Variants in SMARCA2 observed in about 807,000 individuals in gnomAD.
SMARCA2 encodes SWI/SNF-related matrix-associated actin-dependent regulator of chromatin subfamily A member 2.
Under a neutral mutation model 199.8 loss-of-function variants are expected in SMARCA2, and 61 were observed. The ratio of observed to expected loss-of-function variants is 0.31; its 90% CI spans 0.25 to 0.38. The LOEUF (loss-of-function observed/expected upper bound fraction) is 0.38. Among genes scored for constraint, SMARCA2 ranks in the 10% least tolerant of loss-of-function variants. The pLI, the probability that SMARCA2 is intolerant of heterozygous loss-of-function variation, is 1.00. For missense variants in SMARCA2, 1,344 were observed against 2,012.2 expected, an observed-to-expected ratio of 0.67 and a Z score of 6.35; for synonymous variants, 935 against 732.0, an observed-to-expected ratio of 1.28 and a Z score of -4.48.
At chr9:2,071,972 T>C (rs1821109006) in intron 10 of SMARCA2, 1 of 152,218 alleles carries the variant, frequency 6.6e-6, no homozygotes, top group African/African-American at 2.4e-5. Context: ...AGTAAGCCTT[T>C]TCTCTTTTTA....
chr9:2,139,196 G>A (rs1031667869), intron 27 of SMARCA2, among the ~76,000 whole-genome samples: 3 of 152,186 alleles, frequency 2.0e-5, no homozygotes, highest in Non-Finnish European at 2.9e-5. Flanking sequence ...CACTGAGACC[G>A]TGGCATTGCG....
chr9:2,123,664 G>T lies in SMARCA2; in HGVS notation c.3763-55G>T. 4.0e-6 allele frequency: 6 copies of T among 1,484,912 alleles called. No individual in the cohort carries two copies. Among genetic ancestry groups the T allele is most frequent in the African/African-American group, 1.4e-5 (1 of 72,782 alleles). 92.0% of individuals were successfully genotyped at this position (1,484,912 alleles called of 1,614,324 possible). A position where few individuals can be genotyped will look rare whatever the true frequency, so the allele number is the denominator to read the frequency against. On this transcript the variant is annotated intron_variant, in intron 26 of 33. Coordinates refer to ENST00000349721, the MANE Select transcript of SMARCA2 (RefSeq NM_003070.5). This position sits in a 1 kb window ranked among gnomAD's most constrained non-coding sequence, Gnocchi z 4.1. The stretch of plus-strand genomic sequence containing the variant: ...TGGGGAAGTTGTGTAGTGCTGGGAA[G>T]TCTGCACCATACAGAAGCCCTGACT...
intron 10 of SMARCA2, among the ~76,000 whole-genome samples, chr9:2,071,083 C>A (rs555388100): frequency 2.0e-5 from 3 of 152,274 alleles, no homozygotes; most frequent in South Asian, 4.1e-4. Flanking sequence ...AGGAGGCACA[C>A]TCCCAGAGCA....
intron 32 of SMARCA2, among the ~76,000 whole-genome samples, chr9:2,189,597 G>A (rs183983464): frequency 2.0e-5 from 3 of 152,002 alleles, no homozygotes; most frequent in East Asian, 3.9e-4. Context: ...ACATCTTTCC[G>A]TTTTCATTAG....
intron 10 of SMARCA2, among the ~76,000 whole-genome samples, chr9:2,070,788 T>G (rs1233834343): frequency 6.6e-6 from 1 of 152,224 alleles, no homozygotes; most frequent in Admixed American, 6.5e-5. Flanking sequence ...TATAATTATA[T>G]TGCCCAATAA....
intron 9 of SMARCA2, among the ~76,000 whole-genome samples, chr9:2,062,087 G>T (rs1312867914): frequency 6.6e-6 from 1 of 152,088 alleles, no homozygotes; most frequent in African/African-American, 2.4e-5. Flanking sequence ...AGTTAGTGAG[G>T]AACATATACG....
At chr9:2,118,328 T>C (rs990266908) in intron 25 of SMARCA2, among the ~76,000 whole-genome samples, 2 of 152,192 alleles carry the variant, frequency 1.3e-5, no homozygotes, top group Non-Finnish European at 2.9e-5. Context: ...ATAATTATTA[T>C]CTTGAATTGT....
chr9:2,154,629 C>A (rs1414121836), intron 27 of SMARCA2, among the ~76,000 whole-genome samples: 1 of 152,134 alleles, frequency 6.6e-6, no homozygotes, highest in African/African-American at 2.4e-5. Flanking sequence ...ACGGCCTATC[C>A]CAGGGAAGCC....
intron 19 of SMARCA2, among the ~76,000 whole-genome samples, chr9:2,089,955 T>G (rs1278061952): frequency 6.6e-6 from 1 of 152,206 alleles, no homozygotes; most frequent in Non-Finnish European, 1.5e-5. Context: ...AGCCCTTCAT[T>G]TATTCATTCC....
chr9:2,103,661 T>TGAGAGAGAGA (rs34122859), intron 22 of SMARCA2, among the ~76,000 whole-genome samples: 1 of 142,236 alleles, frequency 7.0e-6, no homozygotes, highest in African/African-American at 2.8e-5. Flanking sequence ...TGTGTGTGTG[T>TGAGAGAGAGA]GAGAGAGAGA....
Position 2,170,380 on chromosome 9 carries a change from A to C in SMARCA2, c.4200-39A>C, listed in dbSNP as rs1474486957. On this transcript the variant is annotated intron_variant, in intron 28 of 33. Transcript: ENST00000349721. The surrounding 1 kb of genome is among the most constrained non-coding windows in gnomAD (Gnocchi z 4.7). ...AGGAGCCGGGCGGGGACGAGAACCC[A>C]GGTCTTCTGACTCTAGTGTTCTTTC... The C allele has an allele frequency of 6.2e-7, 1 of 1,613,646 alleles. No individual in the cohort carries two copies. Among genetic ancestry groups the C allele is most frequent in the Non-Finnish European group, 8.5e-7 (1 of 1,179,704 alleles).
In SMARCA2 at chr9:2,097,555, A is replaced by G. The variant is rs1467156396; in HGVS notation, c.3078+84A>G. On this transcript the variant is annotated intron_variant, in intron 21 of 33. Transcript: ENST00000349721. ...AAAAAAACAAACAAACAGGAAAAAA[A>G]AAAACCAAAATAGATTTAAAACATG... 9 of 833,162 alleles carry G rather than the reference A, an allele frequency of 1.1e-5. 1 individual carries two copies. In the East Asian group the frequency reaches 1.5e-4, roughly 14 times the overall value. The allele number at this position is 833,162 out of a possible 1,614,324, so 51.6% of individuals were successfully genotyped here.
rs529762788 is a variant in SMARCA2 at position 2,104,976 on chromosome 9, T to C, written c.3292+807T>C. Among the ~76,000 whole-genome samples the C allele has an allele frequency of 6.6e-6, 1 of 152,372 alleles. No individual in the cohort carries two copies. The highest frequency in any genetic ancestry group is 1.5e-5 in the Non-Finnish European group (1 of 68,038). The stretch of plus-strand genomic sequence containing the variant: ...CCCTGGGTAGAAAAGAGGATACTGC[T>C]AATACCAGTATTTATCTAATGCAGT... On this transcript the variant is annotated intron_variant, in intron 23 of 33. Transcript: ENST00000349721. This position sits in a 1 kb window ranked among gnomAD's most constrained non-coding sequence, Gnocchi z 4.0.
chr9:2,168,293 G>A (rs892906824), intron 28 of SMARCA2, among the ~76,000 whole-genome samples: 6 of 152,156 alleles, frequency 3.9e-5, no homozygotes, highest in Admixed American at 6.5e-5. Context: ...TTACAGGCGT[G>A]AGCCACCATG....
chr9:2,122,453 C>T (rs1401004074), intron 26 of SMARCA2, among the ~76,000 whole-genome samples: 8 of 152,134 alleles, frequency 5.3e-5, no homozygotes, highest in Non-Finnish European at 8.8e-5. Context: ...ATCCATTTCT[C>T]ATACCAAAAC....
At chr9:2,111,507 A>AG (rs1304329674) in intron 24 of SMARCA2, among the ~76,000 whole-genome samples, 3 of 150,286 alleles carry the variant, frequency 2.0e-5, no homozygotes, top group Non-Finnish European at 4.4e-5. Flanking sequence ...AAAAAAAAAA[A>AG]AAAGAAAAGC....
intron 2 of SMARCA2, among the ~76,000 whole-genome samples, chr9:2,030,374 G>T (rs1228737283): frequency 6.6e-6 from 1 of 152,026 alleles, no homozygotes; most frequent in African/African-American, 2.4e-5. Context: ...AACTGATGAT[G>T]TGAGTTCCAG....
intron 9 of SMARCA2, among the ~76,000 whole-genome samples, chr9:2,063,111 G>A (rs1043377734): frequency 2.0e-5 from 3 of 152,128 alleles, no homozygotes; most frequent in African/African-American, 7.2e-5. Context: ...TAGCATTTGT[G>A]CCCTCAGCAG....
In SMARCA2 at chr9:2,123,733, C is replaced by G. The variant is rs758048445; in HGVS notation, c.3777C>G (p.Asp1259Glu). 1 of 1,614,002 alleles carries G rather than the reference C, an allele frequency of 6.2e-7. No homozygotes were observed. The highest frequency in any genetic ancestry group is 1.1e-5 in the South Asian group (1 of 91,046). ...EFDLFMRMDM[D>E]RRREDARNPK... ...AATGTCTCCAGCGGATGGACATGGACCGGCGGAGGGAAGATGCCCGGAACC... is the reference window on the plus strand; with the variant it reads ...AATGTCTCCAGCGGATGGACATGGAGCGGCGGAGGGAAGATGCCCGGAACC... The change falls in exon 27 of 34, where the codon GAC becomes GAG. Residue 1259 changes from aspartate to glutamate, a missense_variant. Asp to Glu is a conservative substitution (Grantham distance 45). This residue lies in a region of SMARCA2 where 63 missense variants were observed against 83.3 expected (regional missense o/e 0.76). Transcript: ENST00000349721. This position sits in a 1 kb window ranked among gnomAD's most constrained non-coding sequence, Gnocchi z 4.1.
Sources: allele counts gnomAD v4.1 joint callset (sites outside exome capture counted in the v4.1 genomes callset), GRCh38; gene constraint gnomAD v4.1.1; regional missense constraint gnomAD v4.1.1; non-coding constraint Gnocchi (gnomAD v3.1); transcripts MANE v1.5; gene names NCBI Gene and HGNC (gene_info 2026-07-23, HGNC 2026-07-21).